SFR1: variants seen among roughly 807,000 people sequenced by gnomAD.
SFR1 encodes SWI5 dependent homologous recombination repair protein 1.
Under a neutral mutation model 26.2 loss-of-function variants are expected in SFR1, and 24 were observed. The observed-to-expected ratio is 0.92, with a 90% CI of 0.66 to 1.29. The LOEUF is 1.29. SFR1 is among the 50% of genes most tolerant of loss of function. The pLI, the probability that SFR1 is intolerant of heterozygous loss-of-function variation, is 0.00. For missense variants in SFR1, 276 were observed against 270.2 expected (o/e 1.02, Z -0.15); for synonymous variants, 77 against 96.6 (o/e 0.80, Z 1.19).
chr10:104,125,690 T>C lies in SFR1; in HGVS notation c.724T>C (p.Phe242Leu), dbSNP rs776345802. 8 of 1,583,252 alleles carry C rather than the reference T, an allele frequency of 5.1e-6. No homozygotes were observed. In the Admixed American group the frequency reaches 1.3e-4, roughly 25 times the overall value. ...LLHYNRSEEE[F>L]IDV ...ACACTATAACAGAAGTGAAGAAGAA[T>C]TTATAGATGTTTAATTCCTGATTTT... is the stretch of plus-strand genomic sequence containing the variant. Residue 242 changes from phenylalanine to leucine, a missense_variant, in exon 4 of 4, where the codon TTT becomes CTT. Coordinates refer to ENST00000369727, the MANE Select transcript of SFR1 (RefSeq NM_001002759.2).
intron 2 of SFR1, 81 bp downstream of exon 2, chr10:104,123,167 G>A: frequency 8.9e-7 from 1 of 1,123,402 alleles, no homozygotes; most frequent in Non-Finnish European, 1.3e-6. Context: ...TTCTACGGAA[G>A]GTTGTTAATT....
upstream of SFR1, chr10:104,122,136 G>A (rs1564696192): frequency 7.1e-6 from 11 of 1,546,802 alleles, no homozygotes; most frequent in Non-Finnish European, 8.7e-6. Context: ...CCTGCCACAG[G>A]ATCGATTTAC....
upstream of SFR1, among the ~76,000 whole-genome samples, chr10:104,121,322 G>A (rs2086958626): frequency 6.6e-6 from 1 of 152,164 alleles, no homozygotes; most frequent in Admixed American, 6.5e-5. Context: ...CTGAGGTACA[G>A]AAACGGTTTT....
intron 1 of SFR1, 114 bp downstream of exon 1, chr10:104,122,310 C>G: frequency 1.4e-6 from 2 of 1,410,218 alleles, no homozygotes; most frequent in South Asian, 3.0e-5. Context: ...TCACCTTATG[C>G]CTGGGGTCTC....
Position 104,122,835 on chromosome 10 carries a change from A to C in SFR1, c.14-130A>C, listed in dbSNP as rs17116521. On this transcript the variant is annotated intron_variant, in intron 1 of 3. Transcript: ENST00000369727. ...TGCAAAAAGAGCAAGAATGAATTAC[A>C]AAGTGAAATTAGAAGAAATATCTGG... 5,083 of 1,538,646 alleles carry C rather than the reference A, an allele frequency of 3.3e-3. 163 individuals are homozygous for C. The African/African-American group carries it at 0.063, about 19-fold the overall frequency.
chr10:104,125,767 C>A lies in SFR1; in HGVS notation c.*63C>A. ...AACTTAATTAAAAGATACTTAGGCACTTTTTTTTTTTTTTTGAGACTGAGT... is the reference window on the plus strand; with the variant it reads ...AACTTAATTAAAAGATACTTAGGCAATTTTTTTTTTTTTTTGAGACTGAGT... On this transcript the variant is annotated 3_prime_UTR_variant, in exon 4 of 4. Transcript: ENST00000369727. 3.5e-6 allele frequency: 3 copies of A among 857,870 alleles called. No homozygotes were observed. The highest frequency in any genetic ancestry group is 5.2e-6 in the Non-Finnish European group (3 of 581,516). The allele number at this position is 857,870 out of a possible 1,614,324, so 53.1% of individuals were successfully genotyped here.
At chr10:104,122,857 C>A in intron 1 of SFR1, 108 bp from the exon 2 acceptor site, 1 of 1,553,216 alleles carries the variant, frequency 6.4e-7, no homozygotes. Flanking sequence ...GAAGAAATAT[C>A]TGGCTTACTT....
At chr10:104,121,823 G>A (rs1022248109), upstream of SFR1, among the ~76,000 whole-genome samples, 1 of 152,232 alleles carries the variant, frequency 6.6e-6, no homozygotes, top group African/African-American at 2.4e-5. Flanking sequence ...GCCCCCCTCA[G>A]GATTGGTTTA....
intron 1 of SFR1, chr10:104,122,407 C>T (rs2086974287): frequency 4.1e-6 from 4 of 985,278 alleles, no homozygotes; most frequent in South Asian, 4.7e-5. Context: ...ATGCCTTTGT[C>T]GGAGGAAGCA....
At chr10:104,122,445 C>T (rs1169755714) in intron 1 of SFR1, 2 of 985,298 alleles carry the variant, frequency 2.0e-6, no homozygotes, top group Admixed American at 1.2e-4. Context: ...TTTTCAGTCC[C>T]TGTTGGCCGC....
At chr10:104,124,199 ATTTT>A in intron 3 of SFR1, 75 bp downstream of exon 3, 3 of 1,152,576 alleles carry the variant, frequency 2.6e-6, no homozygotes, top group Non-Finnish European at 3.4e-6. Context: ...CAAAAATAGA[ATTTT>A]TTTTTTTACC....
upstream of SFR1, chr10:104,122,038 C>A (rs1390301976): frequency 2.0e-6 from 2 of 986,552 alleles, no homozygotes; most frequent in South Asian, 1.4e-5. Context: ...GCAGTCCCAC[C>A]GCTCTGAGTC....
At position 104,124,009 on chromosome 10, in the gene SFR1, G is replaced by T. The variant is rs1380313901; in HGVS notation, c.431G>T (p.Ser144Ile). 1 of 1,614,038 alleles carries T rather than the reference G, an allele frequency of 6.2e-7. No homozygotes were observed. Among genetic ancestry groups the T allele is most frequent in the Admixed American group, 1.7e-5 (1 of 60,012 alleles). ...SCSALQNEFV[S>I]EKLPKQRLNA... ...AGTGCTCTCCAAAATGAGTTTGTGA[G>T]TGAGAAGCTTCCTAAACAAAGATTA... Residue 144 changes from serine to isoleucine, a missense_variant, in exon 3 of 4, where the codon AGT becomes ATT. Coordinates refer to ENST00000369727, the MANE Select transcript of SFR1 (RefSeq NM_001002759.2).
At chr10:104,121,447 T>C (rs1267278937), upstream of SFR1, among the ~76,000 whole-genome samples, 1 of 152,152 alleles carries the variant, frequency 6.6e-6, no homozygotes, top group Admixed American at 6.5e-5. Context: ...ATTTCTAACA[T>C]GTTTGAAATG....
At chr10:104,121,561 C>T (rs2086960934), upstream of SFR1, among the ~76,000 whole-genome samples, 2 of 152,168 alleles carry the variant, frequency 1.3e-5, no homozygotes, top group Non-Finnish European at 1.5e-5. Flanking sequence ...GTGGTCTCTG[C>T]CTCTGGGGAG....
Position 104,123,945 on chromosome 10 carries a change from A to C in SFR1, c.367A>C (p.Asn123His). 6.2e-7 allele frequency: 1 copy of C among 1,613,792 alleles called. No homozygotes were observed. Residue 123 changes from asparagine to histidine, a missense_variant, in exon 3 of 4, where the codon AAT becomes CAT. Transcript: ENST00000369727. ...TNLKNTLKNL[N>H]VCESQSLDSG... is the part of the protein sequence containing the mutation. ...TTTGAAAAATACTTTGAAGAATCTC[A>C]ATGTCTGTGAATCTCAGTCACTTGA...
upstream of SFR1, among the ~76,000 whole-genome samples, chr10:104,120,512 T>C (rs1024348209): frequency 1.3e-5 from 2 of 152,212 alleles, no homozygotes; most frequent in South Asian, 2.1e-4. Flanking sequence ...CTTTTTAAAA[T>C]ATATGTGCTT....
At chr10:104,122,628 T>A (rs562230460) in intron 1 of SFR1, 5 of 1,312,320 alleles carry the variant, frequency 3.8e-6, no homozygotes, top group Non-Finnish European at 4.9e-6. Context: ...ATTATGAAGC[T>A]GTCATAATAA....
chr10:104,122,318 C>T, intron 1 of SFR1, 122 bp downstream of exon 1: 2 of 1,401,846 alleles, frequency 1.4e-6, no homozygotes, highest in Non-Finnish European at 1.9e-6. Context: ...TGCCTGGGGT[C>T]TCCGGGGAAC....
Sources: gnomAD v4.1 joint callset for allele counts (sites outside exome capture counted in the v4.1 genomes callset) on GRCh38, gnomAD v4.1.1 for gene constraint, MANE v1.5 for transcripts, NCBI Gene and HGNC (gene_info 2026-07-23, HGNC 2026-07-21) for gene names.